FRMD4A: variants seen among roughly 807,000 people sequenced by gnomAD.
FRMD4A encodes FERM domain containing 4A.
Under a neutral mutation model 129.1 loss-of-function variants are expected in FRMD4A, and 29 were observed. That is an observed-to-expected ratio of 0.22 (90% CI 0.17 to 0.31). FRMD4A has a LOEUF of 0.31. FRMD4A is among the 10% of genes least tolerant of loss of function. The pLI is 1.00. For missense variants in FRMD4A, 1,272 were observed against 1,375.8 expected (o/e 0.92, Z 1.19); for synonymous variants, 634 against 571.6 (o/e 1.11, Z -1.56).
Position 13,740,531 on chromosome 10 carries a change from T to C in FRMD4A, c.595A>G (p.Arg199Gly). ...ACTTACTTTACGATTGCTTGACCTCTTGTCTGACCGTTCAGTTTCTTGTAG... is the reference window on the plus strand; with the variant it reads ...ACTTACTTTACGATTGCTTGACCTCCTGTCTGACCGTTCAGTTTCTTGTAG... The part of the protein sequence containing the change: ...EHYKKLNGQT[R>G]GQAIVNYMSI... Residue 199 changes from arginine to glycine, a missense_variant, in exon 10 of 25, where the codon AGA (arginine) becomes GGA (glycine). By Grantham distance (125) the Arg-to-Gly change is moderately radical. Coordinates refer to ENST00000357447, the MANE Select transcript of FRMD4A (RefSeq NM_018027.5). 6.3e-7 allele frequency: 1 copy of C among 1,591,680 alleles called. No homozygotes were observed. The highest frequency in any genetic ancestry group is 8.6e-7 in the Non-Finnish European group (1 of 1,161,632).
intron 2 of FRMD4A, among the ~76,000 whole-genome samples, chr10:14,216,569 G>C (rs183420387): frequency 1.6e-4 from 25 of 152,208 alleles, no homozygotes; most frequent in African/African-American, 5.8e-4. Context: ...GTCTGATTTT[G>C]TCTGAAATAT....
chr10:14,220,780 TTGCGTG>T (rs934526140), intron 2 of FRMD4A, among the ~76,000 whole-genome samples: 1 of 122,752 alleles, frequency 8.1e-6, no homozygotes, highest in African/African-American at 3.0e-5. Context: ...GTTGGCTGAG[TTGCGTG>T]TGTGTGTGTG....
At chr10:13,987,552 G>A (rs1363450712) in intron 2 of FRMD4A, among the ~76,000 whole-genome samples, 1 of 152,142 alleles carries the variant, frequency 6.6e-6, no homozygotes, top group African/African-American at 2.4e-5. Context: ...GCCAAGCTGA[G>A]ACCCTGATCA....
chr10:13,861,518 G>T (rs60984737), intron 2 of FRMD4A, among the ~76,000 whole-genome samples: 1 of 152,152 alleles, frequency 6.6e-6, no homozygotes, highest in South Asian at 2.1e-4. Flanking sequence ...GCAGCCCCCA[G>T]CTCTGAGAAA....
intron 2 of FRMD4A, among the ~76,000 whole-genome samples, chr10:13,976,360 G>T (rs570119375): frequency 2.6e-5 from 4 of 152,284 alleles, no homozygotes; most frequent in African/African-American, 7.2e-5. Context: ...CCTGCCCAAA[G>T]ACAGGACAGA....
intron 2 of FRMD4A, among the ~76,000 whole-genome samples, chr10:14,196,887 T>C (rs1323535477): frequency 6.6e-6 from 1 of 152,152 alleles, no homozygotes; most frequent in Non-Finnish European, 1.5e-5. Flanking sequence ...TGGGGAGGAA[T>C]GACAGAGAAG....
At chr10:14,326,694 A>G (rs1232843122) in intron 2 of FRMD4A, 6 of 396,740 alleles carry the variant, frequency 1.5e-5, no homozygotes, top group Non-Finnish European at 2.7e-5. Context: ...TCCTGGCTCT[A>G]AAGATAAACT....
intron 2 of FRMD4A, among the ~76,000 whole-genome samples, chr10:14,139,431 ATTTCTTTT>A (rs1839719361): frequency 1.3e-5 from 2 of 150,574 alleles, no homozygotes; most frequent in South Asian, 4.2e-4. Flanking sequence ...TCAAAAACAT[ATTTCTTTT>A]TTTATTATTT....
At chr10:13,967,874 C>A (rs1488661972) in intron 2 of FRMD4A, among the ~76,000 whole-genome samples, 2 of 152,194 alleles carry the variant, frequency 1.3e-5, no homozygotes, top group African/African-American at 4.8e-5. Context: ...GGCGAAACCC[C>A]ATCTCTACAA....
intron 2 of FRMD4A, among the ~76,000 whole-genome samples, chr10:14,086,284 G>A (rs1836271826): frequency 2.0e-5 from 3 of 152,184 alleles, no homozygotes; most frequent in Admixed American, 2.0e-4. Context: ...AAGCCCACTT[G>A]TATGCCTTCC....
chr10:14,161,716 A>G lies in FRMD4A; in HGVS notation c.45+168342T>C, dbSNP rs188161964. On this transcript the variant is annotated intron_variant, in intron 2 of 24. Transcript: ENST00000357447. Reference sequence around the variant, plus strand: ...GGTTGGTTAATGGGTACAAACCTACAGTTGGATAGAAGAAATAAGTTCTAC... The same window carrying G: ...GGTTGGTTAATGGGTACAAACCTACGGTTGGATAGAAGAAATAAGTTCTAC... Among the ~76,000 whole-genome samples, 77 of 152,302 alleles carry G rather than the reference A, an allele frequency of 5.1e-4. 1 individual carries two copies. Among genetic ancestry groups the G allele is most frequent in the Admixed American group, 4.2e-3 (65 of 15,304 alleles).
At chr10:14,024,364 A>G (rs899567061) in intron 2 of FRMD4A, among the ~76,000 whole-genome samples, 4 of 152,204 alleles carry the variant, frequency 2.6e-5, no homozygotes, top group African/African-American at 7.2e-5. Flanking sequence ...AAACACATCC[A>G]TGAGCAGGTG....
intron 2 of FRMD4A, among the ~76,000 whole-genome samples, chr10:14,291,709 G>A (rs1022170671): frequency 5.9e-5 from 9 of 151,804 alleles, no homozygotes; most frequent in African/African-American, 4.8e-5. Context: ...CACATTTAAT[G>A]GCAAAATGTT....
chr10:13,732,058 G>C (rs1452662781), intron 12 of FRMD4A, among the ~76,000 whole-genome samples: 1 of 152,156 alleles, frequency 6.6e-6, no homozygotes, highest in African/African-American at 2.4e-5. Flanking sequence ...TGAAGGCCAG[G>C]AGGCTGTCTC....
At chr10:13,693,367 G>A (rs777157189) in intron 15 of FRMD4A, 60 of 310,070 alleles carry the variant, frequency 1.9e-4, no homozygotes, top group Non-Finnish European at 2.6e-4. Flanking sequence ...TGGCGGAAGC[G>A]GACGACGGAA....
chr10:13,961,660 G>A (rs149317403), intron 2 of FRMD4A, among the ~76,000 whole-genome samples: 91 of 152,248 alleles, frequency 6.0e-4, no homozygotes, highest in Admixed American at 1.9e-3. Context: ...GCCTCCTCAA[G>A]TAGCTTTCTT....
At position 13,656,685 on chromosome 10, in the gene FRMD4A, C is replaced by G; in HGVS notation, c.2904G>C (p.Val968=). 1 of 1,546,828 alleles carries G rather than the reference C, an allele frequency of 6.5e-7. No individual in the cohort carries two copies. The highest frequency in any genetic ancestry group is 8.7e-7 in the Non-Finnish European group (1 of 1,145,656). The part of the protein sequence containing the change: ...QYSTSSQSTF[V]AHSRVTRMPQ... ...GCATCCTGGTGACCCTGCTGTGCGCCACGAAGGTGCTCTGGGAGGAGGTGC... is the reference window on the plus strand; with the variant it reads ...GCATCCTGGTGACCCTGCTGTGCGCGACGAAGGTGCTCTGGGAGGAGGTGC... Residue 968 remains valine (V), a synonymous_variant, in exon 22 of 25, where the codon GTG becomes GTC. Coordinates refer to ENST00000357447, the MANE Select transcript of FRMD4A (RefSeq NM_018027.5).
chr10:14,278,446 T>C (rs996989632), intron 2 of FRMD4A, among the ~76,000 whole-genome samples: 4 of 152,156 alleles, frequency 2.6e-5, no homozygotes, highest in African/African-American at 9.7e-5. Context: ...AAAACACTTA[T>C]CAAAGGTCAC....
intron 2 of FRMD4A, among the ~76,000 whole-genome samples, chr10:14,022,355 G>C (rs529846475): frequency 1.3e-5 from 2 of 152,296 alleles, no homozygotes; most frequent in Admixed American, 6.5e-5. Flanking sequence ...GTCTTGCAGA[G>C]ACTAATGTTG....
Sources: allele counts gnomAD v4.1 joint callset (sites outside exome capture counted in the v4.1 genomes callset), GRCh38; gene constraint gnomAD v4.1.1; transcripts MANE v1.5; gene names NCBI Gene and HGNC (gene_info 2026-07-23, HGNC 2026-07-21).